Variants in LRRIQ1 observed in about 807,000 individuals in gnomAD.
The protein encoded by LRRIQ1 is leucine rich repeats and IQ motif containing 1.
In LRRIQ1, 210 loss-of-function variants were observed where a neutral mutation model predicts 211.9. That is an observed-to-expected ratio of 0.99 (90% CI 0.89 to 1.11). The LOEUF is 1.11. Among genes scored for constraint, LRRIQ1 ranks in the 50% most tolerant of loss-of-function variants. The probability of loss-of-function intolerance (pLI) is 0.00; values close to 1 mark genes in which losing one functional copy is unlikely to be tolerated. For missense variants in LRRIQ1, 2,136 were observed against 1,939.5 expected (o/e 1.10, Z -1.90); for synonymous variants, 699 against 650.1 (o/e 1.08, Z -1.14).
At chr12:85,230,194 A>C (rs1894862758) in intron 25 of LRRIQ1, among the ~76,000 whole-genome samples, 1 of 152,156 alleles carries the variant, frequency 6.6e-6, no homozygotes, top group Non-Finnish European at 1.5e-5. Flanking sequence ...TTAAATCTAA[A>C]AGTTGCTTAA....
intron 24 of LRRIQ1, among the ~76,000 whole-genome samples, chr12:85,161,908 T>C (rs1013017598): frequency 8.6e-5 from 13 of 151,780 alleles, no homozygotes; most frequent in African/African-American, 2.4e-4. Flanking sequence ...GGCGTGGTGG[T>C]GGGCTCCTGT....
chr12:85,193,100 A>T (rs1252248060), intron 24 of LRRIQ1, among the ~76,000 whole-genome samples: 2 of 122,008 alleles, frequency 1.6e-5, no homozygotes, highest in African/African-American at 3.1e-5. Flanking sequence ...ATATATATTT[A>T]TATATAATTA....
intron 2 of LRRIQ1, among the ~76,000 whole-genome samples, chr12:85,038,749 C>T (rs1426736066): frequency 1.3e-5 from 2 of 151,572 alleles, no homozygotes; most frequent in African/African-American, 4.8e-5. Context: ...AAATGTAGAA[C>T]TAATTTGAAA....
intron 23 of LRRIQ1, among the ~76,000 whole-genome samples, chr12:85,156,068 T>G (rs1890527465): frequency 1.3e-5 from 2 of 151,740 alleles, no homozygotes; most frequent in African/African-American, 4.8e-5. Flanking sequence ...CATTTTGGGT[T>G]AGGTTAAAAT....
intron 24 of LRRIQ1, among the ~76,000 whole-genome samples, chr12:85,204,374 C>T (rs1410300289): frequency 6.6e-6 from 1 of 152,164 alleles, no homozygotes; most frequent in Non-Finnish European, 1.5e-5. Context: ...TACTGGGGCA[C>T]CACCTAGTAT....
chr12:85,096,148 G>T (rs1297023729), intron 11 of LRRIQ1, among the ~76,000 whole-genome samples: 1 of 151,974 alleles, frequency 6.6e-6, no homozygotes, highest in Non-Finnish European at 1.5e-5. Flanking sequence ...GGATTTTTAG[G>T]TCTAAATTAT....
Position 85,124,082 on chromosome 12 carries a change from C to G in LRRIQ1, c.3570C>G (p.Thr1190=), listed in dbSNP as rs754243647. 1.2e-6 allele frequency: 2 copies of G among 1,607,018 alleles called. No individual in the cohort carries two copies. Among genetic ancestry groups the G allele is most frequent in the East Asian group, 2.2e-5 (1 of 44,844 alleles). ...TTTATTTGTTCAGAGATGTATTTAC[C>G]TTGGATACTGCAGAAAATCTCTGTC... ...NYITGKGDVF[T]LDTAENLCHY... The change falls in exon 17 of 27, where the codon ACC becomes ACG. Residue 1190 remains threonine, a synonymous_variant. Coordinates refer to ENST00000393217, the MANE Select transcript of LRRIQ1 (RefSeq NM_001079910.2).
intron 24 of LRRIQ1, among the ~76,000 whole-genome samples, chr12:85,214,566 G>C (rs994479356): frequency 6.6e-6 from 1 of 152,062 alleles, no homozygotes; most frequent in South Asian, 2.1e-4. Flanking sequence ...ACAGCAGCGG[G>C]AGAGCCAAGA....
At chr12:85,123,151 A>G (rs1888107877) in intron 16 of LRRIQ1, among the ~76,000 whole-genome samples, 1 of 152,052 alleles carries the variant, frequency 6.6e-6, no homozygotes, top group Non-Finnish European at 1.5e-5. Flanking sequence ...TATAAAACAT[A>G]TATTGGATGA....
chr12:85,093,230 G>A (rs1250854542), intron 11 of LRRIQ1, among the ~76,000 whole-genome samples: 1 of 152,122 alleles, frequency 6.6e-6, no homozygotes, highest in Non-Finnish European at 1.5e-5. Context: ...TGATCATTTT[G>A]TGTCAGTATA....
chr12:85,236,405 C>T (rs1340332151), intron 26 of LRRIQ1, among the ~76,000 whole-genome samples: 1 of 151,980 alleles, frequency 6.6e-6, no homozygotes, highest in Non-Finnish European at 1.5e-5. Flanking sequence ...CCAATGAATA[C>T]ATTAGAAAAA....
intron 24 of LRRIQ1, among the ~76,000 whole-genome samples, chr12:85,212,092 A>G (rs1010903430): frequency 2.0e-5 from 3 of 151,882 alleles, no homozygotes; most frequent in Non-Finnish European, 4.4e-5. Flanking sequence ...CATGGCAAAA[A>G]CCCGTCTCTA....
At position 85,224,484 on chromosome 12, in the gene LRRIQ1, C is replaced by G. The variant is rs1408939347; in HGVS notation, c.4823-5033C>G. Among the ~76,000 whole-genome samples the G allele has an allele frequency of 3.3e-5, 5 of 152,156 alleles. No individual in the cohort carries two copies. The East Asian group carries it at 9.6e-4, about 29-fold the overall frequency. ...ACAATAGCAAAGACTGAAGTCAACCCAAATGCCCATCAATGATAGACTGGA... is the reference window on the plus strand; with the variant it reads ...ACAATAGCAAAGACTGAAGTCAACCGAAATGCCCATCAATGATAGACTGGA... On this transcript the variant is annotated intron_variant, in intron 24 of 26. Coordinates refer to ENST00000393217, the MANE Select transcript of LRRIQ1 (RefSeq NM_001079910.2).
At chr12:85,133,149 T>C (rs1166043595) in intron 18 of LRRIQ1, among the ~76,000 whole-genome samples, 1 of 152,152 alleles carries the variant, frequency 6.6e-6, no homozygotes, top group Non-Finnish European at 1.5e-5. Flanking sequence ...AATCACATGC[T>C]TATCATTGTG....
downstream of LRRIQ1, among the ~76,000 whole-genome samples, chr12:85,245,977 T>C (rs1439151913): frequency 6.6e-6 from 1 of 151,226 alleles, no homozygotes; most frequent in Non-Finnish European, 1.5e-5. Context: ...GCTCTCCGGA[T>C]AAATGAAAAC....
At chr12:85,116,799 ATG>A (rs1887614697) in intron 15 of LRRIQ1, among the ~76,000 whole-genome samples, 1 of 151,840 alleles carries the variant, frequency 6.6e-6, no homozygotes, top group South Asian at 2.1e-4. Context: ...AAGTGAGAAC[ATG>A]TAGTATTTTG....
chr12:85,225,164 A>T (rs1441301319), intron 24 of LRRIQ1, among the ~76,000 whole-genome samples: 1 of 152,254 alleles, frequency 6.6e-6, no homozygotes, highest in East Asian at 1.9e-4. Context: ...TAAAAAAATT[A>T]GTATAACAGT....
intron 24 of LRRIQ1, among the ~76,000 whole-genome samples, chr12:85,176,181 A>T (rs1262705014): frequency 1.3e-5 from 2 of 151,850 alleles, no homozygotes; most frequent in Non-Finnish European, 2.9e-5. Flanking sequence ...TTTTATTTCC[A>T]TGAGCAGTGG....
Position 85,199,716 on chromosome 12 carries a change from AG to A in LRRIQ1, c.4823-29797del, listed in dbSNP as rs1893197427. ...GCAGCAGGATGGAAAGAGTGCAAGC[AG>A]GGGAAATACCAGATGCTTATAAAAC... is the stretch of plus-strand genomic sequence containing the variant. On this transcript the variant is annotated intron_variant, in intron 24 of 26. Coordinates refer to ENST00000393217, the MANE Select transcript of LRRIQ1 (RefSeq NM_001079910.2). Among the ~76,000 whole-genome samples, 3 of 152,212 alleles carry A rather than the reference AG, an allele frequency of 2.0e-5. No individual in the cohort carries two copies. The South Asian group carries it at 6.2e-4, about 32-fold the overall frequency.
Sources: allele counts gnomAD v4.1 joint callset (sites outside exome capture counted in the v4.1 genomes callset), GRCh38; gene constraint gnomAD v4.1.1; transcripts MANE v1.5; gene names NCBI Gene and HGNC (gene_info 2026-07-23, HGNC 2026-07-21).